The following ABCC1 variants were observed in gnomAD, a reference collection of about 807,000 sequenced individuals.
The protein encoded by ABCC1 is multidrug resistance-associated protein 1.
A neutral mutation model predicts 172.9 loss-of-function variants in ABCC1; 83 were observed. The ratio of observed to expected loss-of-function variants is 0.48; its 90% CI spans 0.40 to 0.58. The LOEUF (loss-of-function observed/expected upper bound fraction) is 0.58, where lower values mean the gene tolerates loss of function less well. Among genes scored for constraint, ABCC1 ranks in the 20% least tolerant of loss-of-function variants. The probability of loss-of-function intolerance (pLI) is 0.00; values close to 1 mark genes in which losing one functional copy is unlikely to be tolerated. For synonymous variants in ABCC1, 937 were observed against 825.2 expected (o/e 1.14, Z -2.32); for missense variants, 1,817 against 2,002.7 (o/e 0.91, Z 1.77).
chr16:15,951,431 C>T (rs1212586698), intron 1 of ABCC1, among the ~76,000 whole-genome samples: 1 of 151,320 alleles, frequency 6.6e-6, no homozygotes, highest in African/African-American at 2.4e-5. Context: ...TTTTTTCCTT[C>T]GTTAAGGACT....
At position 16,106,870 on chromosome 16, in the gene ABCC1, G is replaced by T. The variant is rs1327276341; in HGVS notation, c.2868G>T (p.Gly956=). The T allele has an allele frequency of 1.2e-6, 2 of 1,614,036 alleles. No individual in the cohort carries two copies. The highest frequency in any genetic ancestry group is 1.7e-6 in the Non-Finnish European group (2 of 1,179,970). The change falls in exon 21 of 31, where the codon GGG becomes GGT. Residue 956 remains glycine, a synonymous_variant. Coordinates refer to ENST00000399410, the MANE Select transcript of ABCC1 (RefSeq NM_004996.4). ...KLMEADKAQT[G]QVKLSVYWDY... The stretch of plus-strand genomic sequence containing the variant: ...TGGAGGCTGACAAGGCGCAGACAGG[G>T]CAGGTGAGATTCGCTCCTTAAGTGA...
chr16:15,949,791 C>A lies in ABCC1; in HGVS notation c.40C>A (p.Pro14Thr). Reference sequence around the variant, plus strand: ...CTTCTGCAGCGCCGATGGCTCCGACCCGCTCTGGGTACGTGCCGGGGGCCG... The same window carrying A: ...CTTCTGCAGCGCCGATGGCTCCGACACGCTCTGGGTACGTGCCGGGGGCCG... ...RGFCSADGSD[P>T]LWDWNVTWNT... Residue 14 changes from proline to threonine, a missense_variant, in exon 1 of 31, where the codon CCG becomes ACG. Around this residue, in one of 3 missense-constraint regions of ABCC1, gnomAD observed 398 missense variants for 384.2 expected, o/e 1.04. Coordinates refer to ENST00000399410, the MANE Select transcript of ABCC1 (RefSeq NM_004996.4). 8.4e-7 allele frequency: 1 copy of A among 1,197,424 alleles called. No homozygotes were observed. Among genetic ancestry groups the A allele is most frequent in the Non-Finnish European group, 1.0e-6 (1 of 965,710 alleles). 74.2% of individuals were successfully genotyped at this position (1,197,424 alleles called of 1,614,324 possible).
rs74866735 is a variant in ABCC1, at chr16:15,950,319, C to T, written c.48+520C>T. Among the ~76,000 whole-genome samples the T allele has an allele frequency of 3.8e-3, 571 of 152,144 alleles. 7 individuals carry two copies. The highest frequency in any genetic ancestry group is 0.013 in the African/African-American group (534 of 41,494). ...TTGTCGTACAAGCCACATTACTCTT[C>T]TGTGGTTACCTAGCTTTGTTTTTTT... On this transcript the variant is annotated intron_variant, in intron 1 of 30. Coordinates refer to ENST00000399410, the MANE Select transcript of ABCC1 (RefSeq NM_004996.4).
intron 15 of ABCC1, among the ~76,000 whole-genome samples, chr16:16,078,194 G>A (rs775140390): frequency 6.6e-6 from 1 of 152,086 alleles, no homozygotes; most frequent in Non-Finnish European, 1.5e-5. Context: ...ACTAAATACA[G>A]ATAAATAAAA....
At chr16:16,028,219 C>G (rs1401196795) in intron 5 of ABCC1, among the ~76,000 whole-genome samples, 1 of 152,100 alleles carries the variant, frequency 6.6e-6, no homozygotes, top group Non-Finnish European at 1.5e-5. Flanking sequence ...AATGACTGAC[C>G]TTTTTCCTTT....
intron 1 of ABCC1, among the ~76,000 whole-genome samples, chr16:15,975,292 A>G (rs910057629): frequency 6.6e-5 from 10 of 152,172 alleles, no homozygotes; most frequent in Admixed American, 3.3e-4. Context: ...TCATTTTTTA[A>G]TCGGATCATC....
intron 17 of ABCC1, among the ~76,000 whole-genome samples, chr16:16,084,937 T>A (rs759969804): frequency 4.6e-5 from 7 of 152,178 alleles, no homozygotes; most frequent in Non-Finnish European, 4.4e-5. Flanking sequence ...TTGAGTATTT[T>A]CTGTATGTTG....
chr16:16,136,460 T>A lies in ABCC1; in HGVS notation c.4126-18T>A, dbSNP rs1180860816. 1 of 1,613,290 alleles carries A rather than the reference T, an allele frequency of 6.2e-7. No individual in the cohort carries two copies. The highest frequency in any genetic ancestry group is 1.1e-5 in the South Asian group (1 of 90,994). On this transcript the variant is annotated intron_variant, in intron 28 of 30. Coordinates refer to ENST00000399410, the MANE Select transcript of ABCC1 (RefSeq NM_004996.4). ...GACACAGGTGTCACATGCCGTCCACTCTCTTCTCTCTGAACAGGACCCTGT... is the reference window on the plus strand; with the variant it reads ...GACACAGGTGTCACATGCCGTCCACACTCTTCTCTCTGAACAGGACCCTGT...
chr16:16,073,734 G>C (rs1418722605), intron 14 of ABCC1, among the ~76,000 whole-genome samples: 1 of 152,164 alleles, frequency 6.6e-6, no homozygotes, highest in South Asian at 2.1e-4. Context: ...TCCAGCCTGG[G>C]TGTCAGAGTG....
chr16:15,999,773 C>T (rs1015655276), intron 1 of ABCC1, among the ~76,000 whole-genome samples: 2 of 23,838 alleles, frequency 8.4e-5, no homozygotes, highest in African/African-American at 2.0e-4. Context: ...GCCTCTTTCT[C>T]TCTCTCTCTC....
At chr16:16,106,011 G>A (rs1248673089) in intron 20 of ABCC1, among the ~76,000 whole-genome samples, 1 of 151,668 alleles carries the variant, frequency 6.6e-6, no homozygotes, top group Non-Finnish European at 1.5e-5. Flanking sequence ...CAAGTAGTTG[G>A]GACTGCAGGT....
At chr16:16,133,372 T>G (rs561424569) in intron 27 of ABCC1, among the ~76,000 whole-genome samples, 6 of 148,556 alleles carry the variant, frequency 4.0e-5, no homozygotes, top group East Asian at 2.0e-4. Flanking sequence ...CTTGCTGTCT[T>G]TTTTTGTTTT....
At chr16:15,971,654 A>C (rs2046372732) in intron 1 of ABCC1, among the ~76,000 whole-genome samples, 1 of 152,132 alleles carries the variant, frequency 6.6e-6, no homozygotes, top group Non-Finnish European at 1.5e-5. Context: ...AACAGCAGCT[A>C]GGGCTCCTCC....
chr16:16,061,005 C>T lies in ABCC1; in HGVS notation c.1677+4710C>T, dbSNP rs565624705. ...CTAAGTTTTGTATTTTTAGTAGAGA[C>T]GGGGTTTCACCAGGGTTCAAGCAAT... On this transcript the variant is annotated intron_variant, in intron 12 of 30. Coordinates refer to ENST00000399410, the MANE Select transcript of ABCC1 (RefSeq NM_004996.4). Among the ~76,000 whole-genome samples, 5 of 151,946 alleles carry T rather than the reference C, an allele frequency of 3.3e-5. No individual in the cohort carries two copies. The South Asian group carries it at 8.3e-4, about 25-fold the overall frequency.
chr16:16,091,334 G>A (rs560590995), intron 19 of ABCC1, among the ~76,000 whole-genome samples: 16 of 150,682 alleles, frequency 1.1e-4, no homozygotes, highest in Non-Finnish European at 2.1e-4. Context: ...GGAGGCCGTG[G>A]TGGGTGGATC....
chr16:16,069,400 A>G (rs1567369377), intron 13 of ABCC1, among the ~76,000 whole-genome samples: 2 of 151,298 alleles, frequency 1.3e-5, no homozygotes, highest in African/African-American at 2.4e-5. Flanking sequence ...TTTATTTTTT[A>G]GAAACAATGT....
intron 25 of ABCC1, 25 bp downstream of exon 25, chr16:16,124,940 A>T: frequency 1.2e-6 from 2 of 1,614,022 alleles, no homozygotes; most frequent in Non-Finnish European, 1.7e-6. Context: ...TCTTGGCTGG[A>T]TTATTAAAGT....
At position 16,115,108 on chromosome 16, in the gene ABCC1, GCC is replaced by G. The variant is rs1172683949; in HGVS notation, c.3390+34_3390+35del. 1.0e-5 allele frequency: 16 copies of G among 1,599,316 alleles called. No homozygotes were observed. The East Asian group carries it at 3.1e-4, about 31-fold the overall frequency. Reference sequence around the variant, plus strand: ...GGTGAGGTCTTAGTGTTCGGGACAAGCCCTACTGTGCATTATATACCAGTGTT... The same window carrying G: ...GGTGAGGTCTTAGTGTTCGGGACAAGCTACTGTGCATTATATACCAGTGTT... On this transcript the variant is annotated intron_variant, in intron 23 of 30. Transcript: ENST00000399410.
chr16:16,075,500 C>T (rs760727438), intron 14 of ABCC1, among the ~76,000 whole-genome samples: 3 of 151,990 alleles, frequency 2.0e-5, no homozygotes, highest in Non-Finnish European at 2.9e-5. Context: ...TGTGATGGTG[C>T]ACATCCTGTA....
Sources: allele counts gnomAD v4.1 joint callset (sites outside exome capture counted in the v4.1 genomes callset), GRCh38; gene constraint gnomAD v4.1.1; regional missense constraint gnomAD v4.1.1; transcripts MANE v1.5; gene names NCBI Gene and HGNC (gene_info 2026-07-23, HGNC 2026-07-21).